The following NKIRAS1 variants were observed in gnomAD, a reference collection of about 807,000 sequenced individuals.
NKIRAS1 encodes the protein NF-kappa-B inhibitor-interacting Ras-like protein 1.
A neutral mutation model predicts 19.8 loss-of-function variants in NKIRAS1; 16 were observed. That is an observed-to-expected ratio of 0.81 (90% CI 0.55 to 1.23). NKIRAS1 has a LOEUF of 1.23. NKIRAS1 is among the 50% of genes most tolerant of loss of function. The pLI is 0.00. For missense variants in NKIRAS1, 184 were observed against 220.0 expected, an observed-to-expected ratio of 0.84 and a Z score of 1.04; for synonymous variants, 88 against 79.0, an observed-to-expected ratio of 1.11 and a Z score of -0.61.
intron 4 of NKIRAS1, among the ~76,000 whole-genome samples, chr3:23,898,627 G>T (rs1402812063): frequency 6.6e-6 from 1 of 152,044 alleles, no homozygotes; most frequent in African/African-American, 2.4e-5. Flanking sequence ...TATTTTTTTA[G>T]TAGAGACGGG....
intron 1 of NKIRAS1, chr3:23,946,012 G>T: frequency 1.4e-6 from 1 of 734,894 alleles, no homozygotes; most frequent in Non-Finnish European, 1.7e-6. Flanking sequence ...CGGGGCCGCA[G>T]GGACACGTGG....
At position 23,892,711 on chromosome 3, in the gene NKIRAS1, A is replaced by T. The variant is rs1292914942; in HGVS notation, c.*384T>A. On this transcript the variant is annotated 3_prime_UTR_variant, in exon 5 of 5. Transcript: ENST00000425478. ...TAAAAACAAAGTCATGTTTGGGCTT[A>T]GAAGTTTGCATAATGTTACACAGAA... 1 of 155,064 alleles carries T rather than the reference A, an allele frequency of 6.4e-6. No individual in the cohort carries two copies. Among genetic ancestry groups the T allele is most frequent in the Non-Finnish European group, 1.4e-5 (1 of 69,966 alleles). 9.6% of individuals were successfully genotyped at this position (155,064 alleles called of 1,614,324 possible). A position where few individuals can be genotyped will look rare whatever the true frequency, so the allele number is the denominator to read the frequency against.
chr3:23,915,830 C>G (rs1003995303), intron 1 of NKIRAS1: 2 of 152,258 alleles, frequency 1.3e-5, no homozygotes, highest in African/African-American at 4.8e-5. Context: ...GTTACCTTCT[C>G]TCAAAGACTT....
chr3:23,900,566 C>T (rs919879957), intron 4 of NKIRAS1, among the ~76,000 whole-genome samples: 3 of 143,002 alleles, frequency 2.1e-5, no homozygotes, highest in African/African-American at 5.2e-5. Context: ...ACCCGGGAGG[C>T]GGAGGTTGCA....
At chr3:23,917,819 A>C (rs372207088), upstream of NKIRAS1, 89 of 1,576,378 alleles carry the variant, frequency 5.6e-5, no homozygotes, top group African/African-American at 7.7e-4. Context: ...CTTAAAGCGG[A>C]TGATATTTAA....
At position 23,911,359 on chromosome 3, in the gene NKIRAS1, C is replaced by T. The variant is rs567403548; in HGVS notation, c.-48G>A. 3.1e-4 allele frequency: 50 copies of T among 160,370 alleles called. No individual in the cohort carries two copies. The highest frequency in any genetic ancestry group is 6.5e-4 in the Admixed American group (11 of 16,884). 9.9% of individuals were successfully genotyped at this position (160,370 alleles called of 1,614,324 possible). A position where few individuals can be genotyped will look rare whatever the true frequency, so the allele number is the denominator to read the frequency against. ...ATCCCAGCTACTGGGGAGGCTGAGG[C>T]AGGAGAATCACTTGAACCCAGGGGG... On this transcript the variant is annotated 5_prime_UTR_variant, in exon 2 of 5. Coordinates refer to ENST00000425478, the MANE Select transcript of NKIRAS1 (RefSeq NM_020345.4).
Position 23,916,931 on chromosome 3 carries a change from A to G in NKIRAS1, c.-287T>C, listed in dbSNP as rs1704598198. On this transcript the variant is annotated 5_prime_UTR_variant, in exon 1 of 5. Coordinates refer to ENST00000425478, the MANE Select transcript of NKIRAS1 (RefSeq NM_020345.4). ...CCGAGACCTCGCCGCCAACTCTCTC[A>G]CCTCTCGAGACGCCCAGGCCGCTCA... 1 of 152,498 alleles carries G rather than the reference A, an allele frequency of 6.6e-6. No homozygotes were observed. The highest frequency in any genetic ancestry group is 1.5e-5 in the Non-Finnish European group (1 of 68,028). The allele number at this position is 152,498 out of a possible 1,614,324, so 9.4% of individuals were successfully genotyped here.
chr3:23,903,597 G>C (rs1260010334), intron 3 of NKIRAS1, among the ~76,000 whole-genome samples: 9 of 151,946 alleles, frequency 5.9e-5, no homozygotes, highest in Non-Finnish European at 1.2e-4. Flanking sequence ...CATGAAATAA[G>C]AACAGGATAC....
In NKIRAS1 at chr3:23,893,006, G is replaced by C; in HGVS notation, c.*89C>G. On this transcript the variant is annotated 3_prime_UTR_variant, in exon 5 of 5. Coordinates refer to ENST00000425478, the MANE Select transcript of NKIRAS1 (RefSeq NM_020345.4). Reference sequence around the variant, plus strand: ...CTAAGGACCAAAGGTAGATACAAATGGCCTATTTTAAATAGTAATATTACT... The same window carrying C: ...CTAAGGACCAAAGGTAGATACAAATCGCCTATTTTAAATAGTAATATTACT... 7.5e-7 allele frequency: 1 copy of C among 1,334,266 alleles called. No homozygotes were observed. The allele number at this position is 1,334,266 out of a possible 1,614,324, so 82.7% of individuals were successfully genotyped here.
intron 3 of NKIRAS1, 106 bp downstream of exon 3, chr3:23,910,705 T>C: frequency 1.3e-6 from 1 of 762,692 alleles, no homozygotes; most frequent in Non-Finnish European, 2.3e-6. Context: ...CTCTGGATTA[T>C]ACCTCCCCTT....
At chr3:23,896,101 C>G (rs1226889475) in intron 4 of NKIRAS1, among the ~76,000 whole-genome samples, 4 of 129,010 alleles carry the variant, frequency 3.1e-5, no homozygotes, top group Non-Finnish European at 6.3e-5. Flanking sequence ...TGCCACTGCA[C>G]TCCAGCCTGG....
chr3:23,896,645 GATGA>G (rs1407995080), intron 4 of NKIRAS1, among the ~76,000 whole-genome samples: 2 of 149,884 alleles, frequency 1.3e-5, no homozygotes, highest in Non-Finnish European at 3.0e-5. Flanking sequence ...ATAGCCACAG[GATGA>G]ATATTATACA....
intron 1 of NKIRAS1, among the ~76,000 whole-genome samples, chr3:23,925,132 G>C (rs1705190270): frequency 6.6e-6 from 1 of 152,160 alleles, no homozygotes; most frequent in African/African-American, 2.4e-5. Flanking sequence ...GAAGGAGAGA[G>C]AGAATCAAAT....
rs926132609 is a variant in NKIRAS1, at chr3:23,890,250, G to A, written c.*2845C>T. On this transcript the variant is annotated 3_prime_UTR_variant, in exon 5 of 5. Coordinates refer to ENST00000425478, the MANE Select transcript of NKIRAS1 (RefSeq NM_020345.4). Reference sequence around the variant, plus strand: ...AAGAGTAAAGAAACTCCAATTGAGTGTTGTTTGTTGGGAGAAAAATGGAAT... The same window carrying A: ...AAGAGTAAAGAAACTCCAATTGAGTATTGTTTGTTGGGAGAAAAATGGAAT... Among the ~76,000 whole-genome samples, 1 of 152,146 alleles carries A rather than the reference G, an allele frequency of 6.6e-6. No homozygotes were observed. Among genetic ancestry groups the A allele is most frequent in the South Asian group, 2.1e-4 (1 of 4,828 alleles).
intron 1 of NKIRAS1, among the ~76,000 whole-genome samples, chr3:23,941,505 A>G (rs1222409158): frequency 6.6e-6 from 1 of 152,240 alleles, no homozygotes; most frequent in Non-Finnish European, 1.5e-5. Context: ...AGAATGAGGA[A>G]GGTGGAGTAG....
intron 1 of NKIRAS1, chr3:23,923,863 T>C (rs543479677): frequency 3.9e-5 from 6 of 152,288 alleles, no homozygotes; most frequent in African/African-American, 1.4e-4. Context: ...TGCCAGTCTG[T>C]TAGGGGGAAA....
intron 3 of NKIRAS1, among the ~76,000 whole-genome samples, chr3:23,904,171 G>T (rs1163269534): frequency 6.6e-6 from 1 of 151,900 alleles, no homozygotes; most frequent in Non-Finnish European, 1.5e-5. Context: ...GAAAAGAAAA[G>T]ATCAATTCTA....
chr3:23,901,977 G>A (rs1702566096), intron 3 of NKIRAS1, among the ~76,000 whole-genome samples: 1 of 152,184 alleles, frequency 6.6e-6, no homozygotes, highest in Non-Finnish European at 1.5e-5. Context: ...GGAGGTTGAG[G>A]CAGGGAGAAT....
chr3:23,941,329 C>G (rs1009805877), intron 1 of NKIRAS1, among the ~76,000 whole-genome samples: 4 of 152,184 alleles, frequency 2.6e-5, no homozygotes, highest in Non-Finnish European at 4.4e-5. Context: ...AACATTTAGG[C>G]TCTTCTTTCC....
Sources: allele counts gnomAD v4.1 joint callset (sites outside exome capture counted in the v4.1 genomes callset), GRCh38; gene constraint gnomAD v4.1.1; transcripts MANE v1.5; gene names NCBI Gene and HGNC (gene_info 2026-07-23, HGNC 2026-07-21).